The following CHURC1 variants were observed in gnomAD, a reference collection of about 807,000 sequenced individuals.
CHURC1 encodes churchill domain containing 1.
In CHURC1, 12 loss-of-function variants were observed where a neutral mutation model predicts 15.4. The ratio of observed to expected loss-of-function variants is 0.78; its 90% CI spans 0.50 to 1.27. CHURC1 has a LOEUF of 1.27. Ranked by LOEUF, CHURC1 falls within the 50% of genes most tolerant of loss-of-function variation. CHURC1 has a pLI of 0.00. For missense variants in CHURC1, 132 were observed against 137.8 expected (o/e 0.96, Z 0.21); for synonymous variants, 42 against 47.5 (o/e 0.88, Z 0.48).
At chr14:64,928,425 T>C (rs2139910458) in intron 3 of CHURC1, among the ~76,000 whole-genome samples, 1 of 152,280 alleles carries the variant, frequency 6.6e-6, no homozygotes, top group Middle Eastern at 3.4e-3. Flanking sequence ...TTAAAAAATT[T>C]TTTTTGTAGA....
At chr14:64,920,367 T>A (rs1004856691) in intron 1 of CHURC1, among the ~76,000 whole-genome samples, 1 of 152,330 alleles carries the variant, frequency 6.6e-6, no homozygotes, top group Admixed American at 6.5e-5. Context: ...TGAATTGCAT[T>A]CTTTTCCACC....
chr14:64,927,732 T>TCCCCCCCCCCCCCCCCC (rs1566830855), intron 3 of CHURC1, among the ~76,000 whole-genome samples: 13 of 106,664 alleles, frequency 1.2e-4, no homozygotes, highest in Non-Finnish European at 1.9e-4. Context: ...CCCCCCGCCG[T>TCCCCCCCCCCCCCCCCC]CAATTCATAC....
At position 64,925,996 on chromosome 14, in the gene CHURC1, C is replaced by G. The variant is rs1251963536; in HGVS notation, c.176-14C>G. 6.3e-7 allele frequency: 1 copy of G among 1,586,146 alleles called. No individual in the cohort carries two copies. Among genetic ancestry groups the G allele is most frequent in the Non-Finnish European group, 8.6e-7 (1 of 1,167,356 alleles). On this transcript the variant is annotated splice_polypyrimidine_tract_variant and intron_variant, in intron 2 of 3. Coordinates refer to ENST00000549115, the MANE Select transcript of CHURC1 (RefSeq NM_001386928.1). ...CTAAGACTTAATTACGTAAGTCTCT[C>G]TTTGTTTTAGCAGATTTGTGTAAGA...
chr14:64,926,028 A>G lies in CHURC1; in HGVS notation c.194A>G (p.His65Arg), dbSNP rs757628845. 7 of 1,598,848 alleles carry G rather than the reference A, an allele frequency of 4.4e-6. No individual in the cohort carries two copies. In the East Asian group the frequency reaches 1.4e-4, roughly 31 times the overall value. The change falls in exon 3 of 4, where the codon CAT becomes CGT. Residue 65 changes from histidine (H) to arginine (R), a missense_variant. Transcript: ENST00000549115. ...VTYDHLCKNC[H>R]HVIARHEYTF... The stretch of plus-strand genomic sequence containing the variant: ...TTAGCAGATTTGTGTAAGAATTGTC[A>G]TCATGTAATAGCCAGACATGAGTAT...
intron 2 of CHURC1, among the ~76,000 whole-genome samples, chr14:64,925,454 C>G (rs1884608701): frequency 6.6e-6 from 1 of 152,098 alleles, no homozygotes; most frequent in Non-Finnish European, 1.5e-5. Flanking sequence ...GGGTGGATCA[C>G]TTGAGCCCAG....
Position 64,932,331 on chromosome 14 carries a change from AT to A in CHURC1, c.*109del, listed in dbSNP as rs1035561381. The A allele has an allele frequency of 5.8e-5, 88 of 1,523,850 alleles. No individual in the cohort carries two copies. The highest frequency in any genetic ancestry group is 1.8e-4 in the Middle Eastern group (1 of 5,714). 94.4% of individuals were successfully genotyped at this position (1,523,850 alleles called of 1,614,324 possible). ...CATTCATACTGAAAATTCTTTGCAT[AT>A]TTTTTTTCTGCTTAGACTTACTTAT... is the stretch of plus-strand genomic sequence containing the variant. On this transcript the variant is annotated 3_prime_UTR_variant, in exon 4 of 4. Transcript: ENST00000549115.
At chr14:64,922,083 G>A (rs754658587) in intron 1 of CHURC1, among the ~76,000 whole-genome samples, 35 of 152,272 alleles carry the variant, frequency 2.3e-4, no homozygotes, top group South Asian at 4.1e-4. Flanking sequence ...TCAGATCAGT[G>A]GGTGTCTGGG....
At chr14:64,924,322 GCAGATAAC>G (rs1433567885) in intron 2 of CHURC1, 196 bp downstream of exon 2, 3 of 556,514 alleles carry the variant, frequency 5.4e-6, no homozygotes, top group Admixed American at 4.6e-5. Flanking sequence ...AATGACTTTT[GCAGATAAC>G]TAAAGCTTAC....
intron 3 of CHURC1, among the ~76,000 whole-genome samples, chr14:64,930,013 A>G (rs1202258030): frequency 1.3e-5 from 2 of 151,734 alleles, no homozygotes; most frequent in Admixed American, 6.6e-5. Context: ...ACTGCTTTCT[A>G]TTCCTCTGTG....
At chr14:64,928,428 T>G (rs1884876814) in intron 3 of CHURC1, among the ~76,000 whole-genome samples, 1 of 152,138 alleles carries the variant, frequency 6.6e-6, no homozygotes, top group South Asian at 2.1e-4. Context: ...AAAAATTTTT[T>G]TTGTAGAGAT....
chr14:64,931,713 A>G (rs917846259), intron 3 of CHURC1, among the ~76,000 whole-genome samples: 1 of 152,140 alleles, frequency 6.6e-6, no homozygotes, highest in Non-Finnish European at 1.5e-5. Context: ...ATAATTGTTT[A>G]TTTTCCTAGG....
In CHURC1 at chr14:64,933,857, C is replaced by T. The variant is rs1033859585; in HGVS notation, c.*1627C>T. 1.0e-6 allele frequency: 1 copy of T among 984,292 alleles called. No homozygotes were observed. The highest frequency in any genetic ancestry group is 1.7e-5 in the African/African-American group (1 of 57,198). 61.0% of individuals were successfully genotyped at this position (984,292 alleles called of 1,614,324 possible). A position where few individuals can be genotyped will look rare whatever the true frequency, so the allele number is the denominator to read the frequency against. On this transcript the variant is annotated 3_prime_UTR_variant, in exon 4 of 4. Transcript: ENST00000549115. ...GATAATATCTGAGCTTTATTAAGTA[C>T]TTACTACATGCTAAGAGCTTTTTAA...
intron 1 of CHURC1, among the ~76,000 whole-genome samples, chr14:64,919,241 C>T (rs1391820798): frequency 6.6e-6 from 1 of 152,010 alleles, no homozygotes; most frequent in Non-Finnish European, 1.5e-5. Context: ...GGAAATGAAA[C>T]ATTTCATATA....
rs1883732569 is a variant in CHURC1 at position 64,914,663 on chromosome 14, C to CG, written c.39+131dup. Reference sequence around the variant, plus strand: ...ACTGCCGGTCCCGGTGACCCAGTAGCGGTATTTAGGCACACCAGGGATGGC... The same window carrying CG: ...ACTGCCGGTCCCGGTGACCCAGTAGCGGGTATTTAGGCACACCAGGGATGGC... On this transcript the variant is annotated intron_variant, in intron 1 of 3. Transcript: ENST00000549115. The CG allele has an allele frequency of 2.0e-6, 3 of 1,533,330 alleles. No homozygotes were observed. The East Asian group carries it at 6.8e-5, about 35-fold the overall frequency. The allele number at this position is 1,533,330 out of a possible 1,614,324, so 95.0% of individuals were successfully genotyped here.
chr14:64,935,067 A>T lies in CHURC1; in HGVS notation c.*2837A>T. 1.1e-6 allele frequency: 1 copy of T among 899,238 alleles called. No individual in the cohort carries two copies. The highest frequency in any genetic ancestry group is 1.3e-6 in the Non-Finnish European group (1 of 751,872). 55.7% of individuals were successfully genotyped at this position (899,238 alleles called of 1,614,324 possible). A position where few individuals can be genotyped will look rare whatever the true frequency, so the allele number is the denominator to read the frequency against. ...GATGAAATTGGAAATCTTCATTCTCAGTAAACTATCGCAAGGACAAAAAAC... is the reference window on the plus strand; with the variant it reads ...GATGAAATTGGAAATCTTCATTCTCTGTAAACTATCGCAAGGACAAAAAAC... On this transcript the variant is annotated 3_prime_UTR_variant, in exon 4 of 4. Transcript: ENST00000549115.
chr14:64,925,252 C>G (rs1420775019), intron 2 of CHURC1, among the ~76,000 whole-genome samples: 1 of 152,114 alleles, frequency 6.6e-6, no homozygotes, highest in East Asian at 1.9e-4. Context: ...AATAAATCAT[C>G]GTTTTTACTA....
At chr14:64,927,584 G>T (rs1015700670) in intron 3 of CHURC1, among the ~76,000 whole-genome samples, 1 of 151,942 alleles carries the variant, frequency 6.6e-6, no homozygotes, top group African/African-American at 2.4e-5. Flanking sequence ...TTTCAAAGCT[G>T]CCCTGGAAAT....
At chr14:64,926,752 G>C (rs1884738312) in intron 3 of CHURC1, among the ~76,000 whole-genome samples, 1 of 152,202 alleles carries the variant, frequency 6.6e-6, no homozygotes, top group Admixed American at 6.5e-5. Context: ...ATGGTTGGAG[G>C]AGAAACACAG....
Position 64,927,725 on chromosome 14 carries a change from C to CCCTG in CHURC1, c.246+1647_246+1648insTGCC, listed in dbSNP as rs1159192986. Among the ~76,000 whole-genome samples the CCCTG allele has an allele frequency of 5.5e-5, 6 of 109,376 alleles. 1 individual carries two copies. The highest frequency in any genetic ancestry group is 9.4e-5 in the Non-Finnish European group (5 of 53,262). The allele number at this position is 109,376 out of a possible 152,430, so 71.8% of individuals were successfully genotyped here. A position where few individuals can be genotyped will look rare whatever the true frequency, so the allele number is the denominator to read the frequency against. ...GTCTACTTCTCCCCCCACCCCCCCC[C>CCCTG]CCGCCGTCAATTCATACTCCATACT... is the stretch of plus-strand genomic sequence containing the variant. On this transcript the variant is annotated intron_variant, in intron 3 of 3. Transcript: ENST00000549115.
Sources: gnomAD v4.1 joint callset for allele counts (sites outside exome capture counted in the v4.1 genomes callset) on GRCh38, gnomAD v4.1.1 for gene constraint, MANE v1.5 for transcripts, NCBI Gene and HGNC (gene_info 2026-07-23, HGNC 2026-07-21) for gene names.